The following RBM5 variants were observed in gnomAD, a reference collection of about 807,000 sequenced individuals.
RBM5 encodes RNA-binding protein 5.
Under a neutral mutation model 124.6 loss-of-function variants are expected in RBM5, and 15 were observed. The observed-to-expected ratio is 0.12, with a 90% CI of 0.08 to 0.19. The LOEUF is 0.19. RBM5 is among the 10% of genes least tolerant of loss of function. The pLI is 1.00. For missense variants in RBM5, 580 were observed against 1,026.5 expected (o/e 0.57, Z 5.94); for synonymous variants, 337 against 361.2 (o/e 0.93, Z 0.76).
chr3:50,099,172 T>C (rs947484775), intron 4 of RBM5, among the ~76,000 whole-genome samples: 1 of 151,892 alleles, frequency 6.6e-6, no homozygotes, highest in Non-Finnish European at 1.5e-5. Context: ...GGAGGATCAC[T>C]TGAGTCCAGG....
intron 24 of RBM5, chr3:50,118,064 T>G: frequency 2.0e-6 from 1 of 498,764 alleles, no homozygotes. Flanking sequence ...GAGGAATACT[T>G]TGGGGCCCTT....
chr3:50,111,021 A>G, intron 17 of RBM5: 1 of 481,572 alleles, frequency 2.1e-6, no homozygotes, highest in Non-Finnish European at 3.7e-6. Context: ...TTGAATGTTT[A>G]TACATGTCTA....
At chr3:50,097,097 G>A (rs1486721257) in intron 4 of RBM5, among the ~76,000 whole-genome samples, 1 of 152,108 alleles carries the variant, frequency 6.6e-6, no homozygotes, top group Non-Finnish European at 1.5e-5. Flanking sequence ...AAGCCTAAAA[G>A]AATATTACTG....
At chr3:50,112,205 C>G (rs1452201310) in intron 17 of RBM5, 1 of 148,274 alleles carries the variant, frequency 6.7e-6, no homozygotes, top group Non-Finnish European at 1.5e-5. Context: ...GAGATTGAGA[C>G]CATCCTGGCT....
intron 20 of RBM5, chr3:50,115,163 T>A (rs1304812970): frequency 2.6e-6 from 1 of 380,080 alleles, no homozygotes; most frequent in Non-Finnish European, 4.7e-6. Context: ...GCGAGACTCC[T>A]TCTCCAAAGA....
intron 3 of RBM5, 35 bp downstream of exon 3, chr3:50,092,243 ACT>A: frequency 6.3e-7 from 1 of 1,598,004 alleles, no homozygotes; most frequent in Non-Finnish European, 8.5e-7. Context: ...CCCCCAAAAC[ACT>A]CTGAGCCTTA....
Position 50,118,486 on chromosome 3 carries a change from G to C in RBM5, c.*30G>C. The C allele has an allele frequency of 6.2e-7, 1 of 1,605,736 alleles. No homozygotes were observed. Among genetic ancestry groups the C allele is most frequent in the South Asian group, 1.1e-5 (1 of 90,072 alleles). On this transcript the variant is annotated 3_prime_UTR_variant, in exon 25 of 25. Coordinates refer to ENST00000347869, the MANE Select transcript of RBM5 (RefSeq NM_005778.4). Reference sequence around the variant, plus strand: ...GAGAGAGAGAGAGAGATGACAAGGAGCACAAGAAGTGGTCCATCTCCCGAA... The same window carrying C: ...GAGAGAGAGAGAGAGATGACAAGGACCACAAGAAGTGGTCCATCTCCCGAA...
chr3:50,113,246 A>G, intron 17 of RBM5, 137 bp from the exon 18 acceptor site: 1 of 774,258 alleles, frequency 1.3e-6, no homozygotes. Flanking sequence ...TACTTATACC[A>G]AGGTGTGCCC....
intron 4 of RBM5, among the ~76,000 whole-genome samples, chr3:50,098,611 T>C (rs1411626093): frequency 6.6e-6 from 1 of 151,998 alleles, no homozygotes; most frequent in African/African-American, 2.4e-5. Context: ...TCTGGCTGAT[T>C]TTTTGTATTT....
chr3:50,117,592 G>A lies in RBM5; in HGVS notation c.2322+213G>A. On this transcript the variant is annotated intron_variant, in intron 24 of 24. Coordinates refer to ENST00000347869, the MANE Select transcript of RBM5 (RefSeq NM_005778.4). This position sits in a 1 kb window ranked among gnomAD's most constrained non-coding sequence, Gnocchi z 4.2. ...GCCCAGAAGTTTGAGACCAGCCTGG[G>A]CAACACGGTGAAACCCCGTCTCTAC... The A allele has an allele frequency of 5.6e-6, 3 of 533,294 alleles. No individual in the cohort carries two copies. The Admixed American group carries it at 9.9e-5, about 18-fold the overall frequency. The allele number at this position is 533,294 out of a possible 1,614,324, so 33.0% of individuals were successfully genotyped here.
intron 4 of RBM5, among the ~76,000 whole-genome samples, chr3:50,098,984 G>A (rs1208628407): frequency 6.6e-6 from 1 of 152,216 alleles, no homozygotes; most frequent in Non-Finnish European, 1.5e-5. Flanking sequence ...GCCAGGCATT[G>A]TGGCTCACTC....
intron 4 of RBM5, among the ~76,000 whole-genome samples, chr3:50,095,846 T>TA (rs1438609202): frequency 6.6e-6 from 1 of 152,028 alleles, no homozygotes; most frequent in Non-Finnish European, 1.5e-5. Flanking sequence ...GTGCTCTTGG[T>TA]AAAAATGAAT....
At chr3:50,097,730 A>G (rs536726445) in intron 4 of RBM5, among the ~76,000 whole-genome samples, 1 of 152,320 alleles carries the variant, frequency 6.6e-6, no homozygotes, top group African/African-American at 2.4e-5. Flanking sequence ...TGTTTGATTT[A>G]TTAGGAGCCT....
chr3:50,115,436 G>A lies in RBM5; in HGVS notation c.1848G>A (p.Leu616=). The A allele has an allele frequency of 6.2e-7, 1 of 1,613,862 alleles. No individual in the cohort carries two copies. Among genetic ancestry groups the A allele is most frequent in the South Asian group, 1.1e-5 (1 of 91,020 alleles). The change falls in exon 21 of 25, where the codon CTG becomes CTA. Residue 616 remains leucine (L), a synonymous_variant. Coordinates refer to ENST00000347869, the MANE Select transcript of RBM5 (RefSeq NM_005778.4). ...CCTCCTTTTGTCTCCAGAGGGGTCT[G>A]GTTGCTGCTTACAGTGGTGACAGTG... ...GDEENPLKRG[L]VAAYSGDSDN...
chr3:50,110,438 T>G lies in RBM5; in HGVS notation c.1338T>G (p.Thr446=), dbSNP rs371107399. 4 of 1,614,142 alleles carry G rather than the reference T, an allele frequency of 2.5e-6. No individual in the cohort carries two copies. The highest frequency in any genetic ancestry group is 3.4e-6 in the Non-Finnish European group (4 of 1,179,996). The change falls in exon 16 of 25, where the codon ACT becomes ACG. Residue 446 remains threonine, a synonymous_variant. Transcript: ENST00000347869. ...CACAGGCCCCAGCCGCTTCCCCTAC[T>G]GGTGTAGTTCCTGGTACCAAATATG... ...TSTQAPAASP[T]GVVPGTKYAV... is the part of the protein sequence containing the mutation.
intron 10 of RBM5, 66 bp downstream of exon 10, chr3:50,105,775 C>A: frequency 1.3e-6 from 2 of 1,548,632 alleles, no homozygotes; most frequent in Non-Finnish European, 8.8e-7. Flanking sequence ...GTGGTTCATC[C>A]AGTTTTGAAA....
chr3:50,116,077 G>T, intron 22 of RBM5, 97 bp downstream of exon 22: 7 of 1,204,228 alleles, frequency 5.8e-6, no homozygotes, highest in Non-Finnish European at 8.6e-6. Flanking sequence ...GGGCAGGGTA[G>T]GAGGATTTGT....
intron 17 of RBM5, chr3:50,112,665 A>G (rs955703078): frequency 6.6e-6 from 1 of 151,666 alleles, no homozygotes; most frequent in Non-Finnish European, 1.5e-5. Context: ...TATCCAATGG[A>G]TTCTATGTGG....
In RBM5 at chr3:50,100,439, C is replaced by A; in HGVS notation, c.410-93C>A. ...AAAGCTGCTTCCCAATTGGCTTTGT[C>A]ACGCAGTGTTGAAGCAGTGGGAGAG... On this transcript the variant is annotated intron_variant, in intron 5 of 24. Coordinates refer to ENST00000347869, the MANE Select transcript of RBM5 (RefSeq NM_005778.4). This position sits in a 1 kb window ranked among gnomAD's most constrained non-coding sequence, Gnocchi z 5.1. The A allele has an allele frequency of 9.3e-7, 1 of 1,079,794 alleles. No individual in the cohort carries two copies. The highest frequency in any genetic ancestry group is 1.4e-6 in the Non-Finnish European group (1 of 718,340). The allele number at this position is 1,079,794 out of a possible 1,614,324, so 66.9% of individuals were successfully genotyped here.
Sources: allele counts gnomAD v4.1 joint callset (sites outside exome capture counted in the v4.1 genomes callset), GRCh38; gene constraint gnomAD v4.1.1; non-coding constraint Gnocchi (gnomAD v3.1); transcripts MANE v1.5; gene names NCBI Gene and HGNC (gene_info 2026-07-23, HGNC 2026-07-21).